AFM: variants seen among roughly 807,000 people sequenced by gnomAD.
The protein encoded by AFM is afamin, also known as alpha-Alb.
AFM carries 82 observed loss-of-function variants against 68.7 expected under a neutral mutation model. The observed-to-expected ratio is 1.19, with a 90% confidence interval of 1.00 to 1.43. The LOEUF (loss-of-function observed/expected upper bound fraction) is 1.43, where lower values mean the gene tolerates loss of function less well. Ranked by LOEUF, AFM falls within the 40% of genes most tolerant of loss-of-function variation. The pLI is 0.00. For synonymous variants in AFM, 250 were observed against 234.2 expected (o/e 1.07, Z -0.61); for missense variants, 772 against 701.8 (o/e 1.10, Z -1.13).
At chr4:73,492,624 CTT>C (rs36117611) in intron 8 of AFM, among the ~76,000 whole-genome samples, 9 of 142,920 alleles carry the variant, frequency 6.3e-5, no homozygotes, top group African/African-American at 1.8e-4. Flanking sequence ...CCTTTCTGTG[CTT>C]TTTTTTTTTG....
intron 10 of AFM, 21 bp from the exon 11 acceptor site, chr4:73,499,093 A>G: frequency 1.2e-6 from 2 of 1,606,922 alleles, no homozygotes; most frequent in Non-Finnish European, 1.7e-6. Context: ...TTCAGAACCA[A>G]ACAGACAAAT....
intron 12 of AFM, among the ~76,000 whole-genome samples, chr4:73,501,175 G>A (rs1721412070): frequency 6.6e-6 from 1 of 151,846 alleles, no homozygotes; most frequent in African/African-American, 2.4e-5. Context: ...AGAAAATAAG[G>A]AAATCATTAT....
chr4:73,491,924 T>C lies in AFM; in HGVS notation c.896T>C (p.Ile299Thr). 4 of 1,613,792 alleles carry C rather than the reference T, an allele frequency of 2.5e-6. No homozygotes were observed. The highest frequency in any genetic ancestry group is 3.4e-6 in the Non-Finnish European group (4 of 1,179,914). Residue 299 changes from isoleucine (I) to threonine (T), a missense_variant, in exon 8 of 15, where the codon ATC (isoleucine) becomes ACC (threonine). Coordinates refer to ENST00000226355, the MANE Select transcript of AFM (RefSeq NM_001133.2). Reference protein sequence around the residue: ...CSKQDSISSKIKECCEKKIPE... With the variant: ...CSKQDSISSKTKECCEKKIPE... ...AAACAAGATTCTATCTCCAGCAAAA[T>C]CAAAGAGTGCTGTGAAAAGAAAATA...
intron 4 of AFM, 69 bp downstream of exon 4, chr4:73,486,142 T>C (rs944385628): frequency 2.0e-5 from 25 of 1,260,282 alleles, no homozygotes; most frequent in African/African-American, 3.0e-5. Context: ...AATATCTATC[T>C]CAAATAAATA....
intron 12 of AFM, 142 bp from the exon 13 acceptor site, chr4:73,501,645 A>G: frequency 1.3e-6 from 1 of 754,010 alleles, no homozygotes; most frequent in Non-Finnish European, 2.0e-6. Context: ...GTTTCAGAAG[A>G]CCCATTCAAA....
intron 11 of AFM, 136 bp downstream of exon 11, chr4:73,499,382 T>G: frequency 1.0e-6 from 1 of 977,768 alleles, no homozygotes; most frequent in Non-Finnish European, 1.4e-6. Context: ...AATTGTCAAG[T>G]TTTCCTTTTG....
At chr4:73,499,717 G>T (rs1721373365) in intron 11 of AFM, among the ~76,000 whole-genome samples, 1 of 152,090 alleles carries the variant, frequency 6.6e-6, no homozygotes, top group Admixed American at 6.6e-5. Flanking sequence ...GCCCCTTTCA[G>T]TTGGCTTTTT....
At chr4:73,498,014 C>G (rs1721305258) in intron 10 of AFM, among the ~76,000 whole-genome samples, 1 of 152,190 alleles carries the variant, frequency 6.6e-6, no homozygotes, top group Admixed American at 6.5e-5. Context: ...GGCTTTCTCA[C>G]TGCCAATCTA....
chr4:73,493,402 A>C (rs1721153064), intron 8 of AFM, among the ~76,000 whole-genome samples: 1 of 152,190 alleles, frequency 6.6e-6, no homozygotes, highest in Non-Finnish European at 1.5e-5. Flanking sequence ...AATATGTTTA[A>C]GTATGAGCAC....
Position 73,501,916 on chromosome 4 carries a change from A to G in AFM, c.1776A>G (p.Glu592=), listed in dbSNP as rs1370357277. Residue 592 remains glutamate, a synonymous_variant, in exon 13 of 15, where the codon GAA becomes GAG. Transcript: ENST00000226355. The part of the protein sequence containing the change: ...KAESPEVCFN[E]ESPKIGN ...AGAGTCCTGAAGTCTGCTTTAATGA[A>G]GAGGTAGTTTTATTTCTTTTCTACT... 1.9e-6 allele frequency: 3 copies of G among 1,610,164 alleles called. No individual in the cohort carries two copies. Among genetic ancestry groups the G allele is most frequent in the Non-Finnish European group, 2.5e-6 (3 of 1,178,720 alleles).
chr4:73,499,923 T>G (rs1721379804), intron 11 of AFM, 81 bp from the exon 12 acceptor site: 5 of 1,153,324 alleles, frequency 4.3e-6, no homozygotes, highest in Non-Finnish European at 6.4e-6. Context: ...TAGAAAGATC[T>G]AAGTATTCAT....
chr4:73,485,764 G>C, intron 3 of AFM, 98 bp from the exon 4 acceptor site: 1 of 900,952 alleles, frequency 1.1e-6, no homozygotes, highest in Non-Finnish European at 1.7e-6. Context: ...GAGCTCTGTT[G>C]GTAATGGTGG....
Position 73,500,109 on chromosome 4 carries a change from T to C in AFM, c.1528T>C (p.Phe510Leu). 1.2e-6 allele frequency: 2 copies of C among 1,614,114 alleles called. No homozygotes were observed. The highest frequency in any genetic ancestry group is 2.2e-5 in the East Asian group (1 of 44,864). Residue 510 changes from phenylalanine to leucine, a missense_variant, in exon 12 of 15, where the codon TTT (phenylalanine) becomes CTT (leucine). Phe to Leu is a conservative substitution (Grantham distance 22, BLOSUM62 0). Transcript: ENST00000226355. ...AAACTTTGCCTTCAGAAGGCCCTGCTTTGAGAGTTTGAAAGCTGATAAAAC... is the reference window on the plus strand; with the variant it reads ...AAACTTTGCCTTCAGAAGGCCCTGCCTTGAGAGTTTGAAAGCTGATAAAAC... ...KTNFAFRRPCFESLKADKTYV... is the reference protein window; with the variant it reads ...KTNFAFRRPCLESLKADKTYV...
chr4:73,503,481 GCAGA>G (rs1275452059), intron 14 of AFM, among the ~76,000 whole-genome samples: 1 of 152,144 alleles, frequency 6.6e-6, no homozygotes, highest in Admixed American at 6.6e-5. Flanking sequence ...ACTGAGGTGG[GCAGA>G]CAGACCTCAG....
intron 4 of AFM, 60 bp downstream of exon 4, chr4:73,486,133 A>G: frequency 7.5e-7 from 1 of 1,339,702 alleles, no homozygotes; most frequent in Non-Finnish European, 1.1e-6. Context: ...GCTGAATCTA[A>G]TATCTATCTC....
Position 73,486,041 on chromosome 4 carries a change from T to C in AFM, c.450T>C (p.Ala150=), listed in dbSNP as rs1206412801. The change falls in exon 4 of 15, where the codon GCT becomes GCC. Residue 150 remains alanine (A), a synonymous_variant. Coordinates refer to ENST00000226355, the MANE Select transcript of AFM (RefSeq NM_001133.2). ...PTLDPEEKCQ[A]YESNRESLLN... is the part of the protein sequence containing the mutation. ...TGGATCCCGAAGAGAAATGCCAGGC[T>C]TATGAAAGTAACAGAGAATCCCTTT... The C allele has an allele frequency of 6.2e-7, 1 of 1,614,002 alleles. No individual in the cohort carries two copies. The highest frequency in any genetic ancestry group is 8.5e-7 in the Non-Finnish European group (1 of 1,179,898).
chr4:73,493,757 T>C (rs535768887), intron 8 of AFM, among the ~76,000 whole-genome samples: 40 of 152,356 alleles, frequency 2.6e-4, no homozygotes, highest in African/African-American at 9.4e-4. Flanking sequence ...TACTGTCCTC[T>C]ACGGCTTCTC....
Position 73,501,866 on chromosome 4 carries a change from G to A in AFM, c.1726G>A (p.Val576Ile). Residue 576 changes from valine (V) to isoleucine (I), a missense_variant, in exon 13 of 15, where the codon GTA becomes ATA. Val to Ile is a conservative substitution (Grantham distance 29, BLOSUM62 3). Transcript: ENST00000226355. Reference sequence around the variant, plus strand: ...GTCTTTGTTTACAAATTTCGCAAATGTAGTGGATAAGTGCTGCAAAGCAGA... The same window carrying A: ...GTCTTTGTTTACAAATTTCGCAAATATAGTGGATAAGTGCTGCAAAGCAGA... ...LQSLFTNFAN[V>I]VDKCCKAESP... The A allele has an allele frequency of 6.2e-7, 1 of 1,613,588 alleles. No homozygotes were observed. The highest frequency in any genetic ancestry group is 8.5e-7 in the Non-Finnish European group (1 of 1,179,684).
At chr4:73,502,060 T>A in intron 13 of AFM, 141 bp downstream of exon 13, 2 of 909,928 alleles carry the variant, frequency 2.2e-6, no homozygotes, top group Non-Finnish European at 3.2e-6. Context: ...ACAACTAATA[T>A]GTAGACATCT....
Sources: allele counts gnomAD v4.1 joint callset (sites outside exome capture counted in the v4.1 genomes callset), GRCh38; gene constraint gnomAD v4.1.1; transcripts MANE v1.5; gene names NCBI Gene and HGNC (gene_info 2026-07-23, HGNC 2026-07-21).